The following MNAT1 variants were observed in gnomAD, a reference collection of about 807,000 sequenced individuals.
MNAT1 encodes the protein CDK-activating kinase assembly factor MAT1.
In MNAT1, 43 loss-of-function variants were observed where a neutral mutation model predicts 42.0. That is an observed-to-expected ratio of 1.02 (90% CI 0.80 to 1.32). The LOEUF is 1.32. Ranked by LOEUF, MNAT1 falls within the 40% of genes most tolerant of loss-of-function variation. The probability of loss-of-function intolerance (pLI) is 0.00; values close to 1 mark genes in which losing one functional copy is unlikely to be tolerated. For missense variants in MNAT1, 306 were observed against 350.4 expected (o/e 0.87, Z 1.01); for synonymous variants, 118 against 120.0 (o/e 0.98, Z 0.11).
chr14:60,904,772 T>C (rs2035157792), intron 7 of MNAT1, among the ~76,000 whole-genome samples: 1 of 152,054 alleles, frequency 6.6e-6, no homozygotes. Flanking sequence ...AGTAAATTAT[T>C]ACAATAAAAT....
rs771875980 is a variant in MNAT1, at chr14:60,879,764, TGA to T, written c.739_740del (p.Glu247IlefsTer15). 16 of 1,613,366 alleles carry T rather than the reference TGA, an allele frequency of 9.9e-6. No individual in the cohort carries two copies. Among genetic ancestry groups the T allele is most frequent in the Non-Finnish European group, 1.2e-5 (14 of 1,179,494 alleles). ...TTCACAAGCTTGAAGAAGCTCTGTATGAATACCAGCCACTGCAGATAGAGACA... is the reference window on the plus strand; with the variant it reads ...TTCACAAGCTTGAAGAAGCTCTGTATATACCAGCCACTGCAGATAGAGACA... ...PIHKLEEALY[E>X]YQPLQIETYG... On this transcript the variant is annotated frameshift_variant, in exon 7 of 8. Transcript: ENST00000261245. LOFTEE classifies it high-confidence loss of function.
chr14:60,910,305 A>G (rs1164808739), intron 7 of MNAT1, among the ~76,000 whole-genome samples: 3 of 152,176 alleles, frequency 2.0e-5, no homozygotes, highest in Non-Finnish European at 4.4e-5. Flanking sequence ...TCCTAATTGA[A>G]TGCCTTTTAT....
At chr14:60,846,021 G>A (rs560716056) in intron 6 of MNAT1, among the ~76,000 whole-genome samples, 1 of 152,008 alleles carries the variant, frequency 6.6e-6, no homozygotes, top group South Asian at 2.1e-4. Flanking sequence ...ATTAATGAGA[G>A]GATTTCCAAA....
intron 3 of MNAT1, among the ~76,000 whole-genome samples, chr14:60,806,251 G>A (rs1053744268): frequency 6.6e-5 from 10 of 152,322 alleles, no homozygotes; most frequent in Middle Eastern, 3.4e-3. Context: ...TTCAGGGATG[G>A]AGAGATTGTA....
chr14:60,959,229 C>T (rs1007939703), intron 7 of MNAT1, among the ~76,000 whole-genome samples: 1 of 152,196 alleles, frequency 6.6e-6, no homozygotes, highest in Non-Finnish European at 1.5e-5. Context: ...CGTGGTCCAC[C>T]TCAGTGAACA....
At chr14:60,881,327 G>A (rs906589482) in intron 7 of MNAT1, among the ~76,000 whole-genome samples, 2 of 152,084 alleles carry the variant, frequency 1.3e-5, no homozygotes, top group African/African-American at 2.4e-5. Context: ...TGAGGCTGCA[G>A]GCATGCACCA....
At chr14:60,791,030 A>T (rs1369977905) in intron 1 of MNAT1, among the ~76,000 whole-genome samples, 1 of 152,070 alleles carries the variant, frequency 6.6e-6, no homozygotes, top group Non-Finnish European at 1.5e-5. Flanking sequence ...ATACAAACCC[A>T]TTTTTTTGAA....
At chr14:60,789,721 C>A (rs1451527751) in intron 1 of MNAT1, among the ~76,000 whole-genome samples, 1 of 152,136 alleles carries the variant, frequency 6.6e-6, no homozygotes, top group Non-Finnish European at 1.5e-5. Context: ...CACATGCACA[C>A]CCTTTTTAGC....
chr14:60,786,675 G>A (rs1009895331), intron 1 of MNAT1, among the ~76,000 whole-genome samples: 2 of 152,098 alleles, frequency 1.3e-5, no homozygotes, highest in African/African-American at 2.4e-5. Flanking sequence ...TGTGAGATGA[G>A]TAGCATTGTT....
At chr14:60,789,244 T>A (rs1201371659) in intron 1 of MNAT1, among the ~76,000 whole-genome samples, 1 of 152,136 alleles carries the variant, frequency 6.6e-6, no homozygotes, top group Non-Finnish European at 1.5e-5. Flanking sequence ...TTGGAGTACA[T>A]ACAACATTTA....
intron 7 of MNAT1, among the ~76,000 whole-genome samples, chr14:60,934,193 C>T (rs770389468): frequency 1.3e-5 from 2 of 152,278 alleles, no homozygotes; most frequent in Non-Finnish European, 1.5e-5. Flanking sequence ...GAGTTACTGC[C>T]GTCCTAAAGA....
chr14:60,818,865 T>C lies in MNAT1; in HGVS notation c.687+18T>C. 6.2e-7 allele frequency: 1 copy of C among 1,604,450 alleles called. No homozygotes were observed. The highest frequency in any genetic ancestry group is 8.5e-7 in the Non-Finnish European group (1 of 1,176,430). The stretch of plus-strand genomic sequence containing the variant: ...TCAAAATGGTAAGCCTTATTTTAAT[T>C]GCTTGTTTGAAAGATATTTTTTCAA... On this transcript the variant is annotated intron_variant, in intron 6 of 7. Transcript: ENST00000261245.
chr14:60,903,857 C>A (rs1160305766), intron 7 of MNAT1, among the ~76,000 whole-genome samples: 2 of 149,052 alleles, frequency 1.3e-5, no homozygotes, highest in African/African-American at 4.9e-5. Flanking sequence ...TTGATGCTAC[C>A]CATGTAAGTT....
chr14:60,759,120 A>G (rs1374309612), intron 1 of MNAT1, among the ~76,000 whole-genome samples: 1 of 152,206 alleles, frequency 6.6e-6, no homozygotes, highest in Non-Finnish European at 1.5e-5. Flanking sequence ...AGCAGTCTCC[A>G]TTTATCTGTT....
At chr14:60,811,940 C>G (rs779791727) in intron 4 of MNAT1, 47 bp from the exon 5 acceptor site, 3 of 1,491,118 alleles carry the variant, frequency 2.0e-6, no homozygotes, top group Non-Finnish European at 2.7e-6. Context: ...TATGATTGCT[C>G]TTGGCTCCTA....
rs2032796420 is a variant in MNAT1 at position 60,818,864 on chromosome 14, T to C, written c.687+17T>C. On this transcript the variant is annotated intron_variant, in intron 6 of 7. Transcript: ENST00000261245. Reference sequence around the variant, plus strand: ...ATCAAAATGGTAAGCCTTATTTTAATTGCTTGTTTGAAAGATATTTTTTCA... The same window carrying C: ...ATCAAAATGGTAAGCCTTATTTTAACTGCTTGTTTGAAAGATATTTTTTCA... 1.2e-6 allele frequency: 2 copies of C among 1,604,236 alleles called. No homozygotes were observed. Among genetic ancestry groups the C allele is most frequent in the Non-Finnish European group, 1.7e-6 (2 of 1,176,412 alleles).
intron 7 of MNAT1, among the ~76,000 whole-genome samples, chr14:60,961,168 G>A (rs1169712476): frequency 6.6e-6 from 1 of 152,050 alleles, no homozygotes; most frequent in Non-Finnish European, 1.5e-5. Context: ...CTCCATGTTG[G>A]TCGGGCAGGT....
intron 1 of MNAT1, among the ~76,000 whole-genome samples, chr14:60,778,081 A>C (rs112893789): frequency 6.6e-6 from 1 of 152,290 alleles, no homozygotes; most frequent in South Asian, 2.1e-4. Flanking sequence ...CTGAGTCACT[A>C]TTCAGCCCAG....
intron 2 of MNAT1, 134 bp downstream of exon 2, chr14:60,796,503 G>A: frequency 1.3e-6 from 1 of 749,720 alleles, no homozygotes; most frequent in Non-Finnish European, 2.1e-6. Context: ...AGTTCTTAGA[G>A]AACTGAGTAA....
Sources: gnomAD v4.1 joint callset for allele counts (sites outside exome capture counted in the v4.1 genomes callset) on GRCh38, gnomAD v4.1.1 for gene constraint, MANE v1.5 for transcripts, NCBI Gene and HGNC (gene_info 2026-07-23, HGNC 2026-07-21) for gene names.